Variants in AOPEP observed in about 807,000 individuals in gnomAD.
AOPEP encodes the protein aminopeptidase O.
In AOPEP, 77 loss-of-function variants were observed where a neutral mutation model predicts 98.1. The ratio of observed to expected loss-of-function variants is 0.78; its 90% CI spans 0.65 to 0.95. AOPEP has a LOEUF of 0.95. AOPEP is among the 40% of genes least tolerant of loss of function. The pLI is 0.00. For synonymous variants in AOPEP, 346 were observed against 365.3 expected (o/e 0.95, Z 0.60); for missense variants, 1,024 against 1,024.7 (o/e 1.00, Z 0.01).
In AOPEP at chr9:94,774,561, G is replaced by A. The variant is rs79340843; in HGVS notation, c.964+1393G>A. On this transcript the variant is annotated intron_variant, in intron 3 of 16. Transcript: ENST00000375315. ...GTGTATCTTGAACAATTTACAGGTCGTTAAATATTTTTAATATGATTTTAA... is the reference window on the plus strand; with the variant it reads ...GTGTATCTTGAACAATTTACAGGTCATTAAATATTTTTAATATGATTTTAA... Among the ~76,000 whole-genome samples the A allele has an allele frequency of 7.4e-3, 1,123 of 151,914 alleles. 15 individuals are homozygous for A. Among genetic ancestry groups the A allele is most frequent in the African/African-American group, 0.026 (1,082 of 41,410 alleles).
At chr9:94,901,323 A>T (rs770095327) in intron 5 of AOPEP, among the ~76,000 whole-genome samples, 7 of 152,110 alleles carry the variant, frequency 4.6e-5, no homozygotes, top group Non-Finnish European at 7.4e-5. Context: ...GCAAGAATGT[A>T]TTTTTTCAAT....
intron 10 of AOPEP, among the ~76,000 whole-genome samples, chr9:94,975,466 G>A (rs563892528): frequency 1.3e-5 from 2 of 151,970 alleles, no homozygotes; most frequent in Non-Finnish European, 2.9e-5. Context: ...CTATGTTAAA[G>A]CAGAATTTGC....
intron 5 of AOPEP, among the ~76,000 whole-genome samples, chr9:94,811,778 T>C (rs988075405): frequency 2.6e-4 from 39 of 152,188 alleles, no homozygotes; most frequent in African/African-American, 9.4e-4. Context: ...TCAGCTTAAG[T>C]GTTGTCTGGG....
chr9:94,949,287 C>G (rs752162298), intron 7 of AOPEP, among the ~76,000 whole-genome samples: 13 of 152,116 alleles, frequency 8.5e-5, no homozygotes, highest in Non-Finnish European at 1.2e-4. Flanking sequence ...CTTTCATTTT[C>G]CCACCCTGAT....
At chr9:94,896,621 C>T (rs1051692734) in intron 5 of AOPEP, among the ~76,000 whole-genome samples, 2 of 152,158 alleles carry the variant, frequency 1.3e-5, no homozygotes, top group East Asian at 1.9e-4. Flanking sequence ...TCCTAAAAAC[C>T]TATAACCCAT....
At chr9:94,790,867 G>A (rs1324631820) in intron 3 of AOPEP, among the ~76,000 whole-genome samples, 4 of 151,702 alleles carry the variant, frequency 2.6e-5, no homozygotes, top group African/African-American at 9.7e-5. Flanking sequence ...GACCAAATTG[G>A]ACAACCACAG....
chr9:94,859,540 A>G (rs530600858), intron 5 of AOPEP, among the ~76,000 whole-genome samples: 1 of 152,238 alleles, frequency 6.6e-6, no homozygotes, highest in South Asian at 2.1e-4. Flanking sequence ...TTTTTTTCCC[A>G]TAGAAGGTAA....
chr9:95,105,917 T>C, the AOPEP span, among the ~76,000 whole-genome samples: 12 of 152,236 alleles, frequency 7.9e-5, no homozygotes, highest in Non-Finnish European at 1.3e-4. Context: ...CTGCTGAGAA[T>C]AGTGCTGCCC....
intron 14 of AOPEP, among the ~76,000 whole-genome samples, chr9:95,069,197 A>G (rs1348491806): frequency 6.6e-6 from 1 of 152,196 alleles, no homozygotes; most frequent in East Asian, 1.9e-4. Flanking sequence ...CCCGGATTTC[A>G]TGTCTGACAC....
intron 13 of AOPEP, among the ~76,000 whole-genome samples, chr9:95,045,964 C>T (rs2065828936): frequency 6.6e-6 from 1 of 152,162 alleles, no homozygotes; most frequent in Non-Finnish European, 1.5e-5. Flanking sequence ...ACGGTAGGAA[C>T]GCAGGGTAGG....
intron 5 of AOPEP, among the ~76,000 whole-genome samples, chr9:94,827,143 G>A (rs2134346218): frequency 6.6e-6 from 1 of 152,280 alleles, no homozygotes; most frequent in East Asian, 1.9e-4. Context: ...TTCTCGTTTA[G>A]GAGCAAAGAA....
At chr9:94,951,097 A>C (rs2058072079) in intron 7 of AOPEP, among the ~76,000 whole-genome samples, 1 of 152,276 alleles carries the variant, frequency 6.6e-6, no homozygotes, top group Non-Finnish European at 1.5e-5. Context: ...CAAGTACAAC[A>C]GAAACCAAGG....
At chr9:95,130,972 CTAAA>C in the AOPEP span, among the ~76,000 whole-genome samples, 5 of 152,170 alleles carry the variant, frequency 3.3e-5, no homozygotes, top group Admixed American at 6.5e-5. Context: ...ACATAAGACT[CTAAA>C]TATCCCTTTT....
chr9:94,940,830 T>G (rs2056934091), intron 7 of AOPEP, among the ~76,000 whole-genome samples: 1 of 152,130 alleles, frequency 6.6e-6, no homozygotes, highest in Non-Finnish European at 1.5e-5. Flanking sequence ...GCTCTGGAGC[T>G]GGGCCCTTCC....
intron 5 of AOPEP, among the ~76,000 whole-genome samples, chr9:94,860,168 A>G (rs983390841): frequency 2.0e-5 from 3 of 152,196 alleles, no homozygotes; most frequent in African/African-American, 7.2e-5. Context: ...GAGCCAGGCC[A>G]GGAGTAGGAA....
At chr9:94,998,243 G>A (rs1048446013) in intron 11 of AOPEP, among the ~76,000 whole-genome samples, 1 of 151,464 alleles carries the variant, frequency 6.6e-6, no homozygotes, top group African/African-American at 2.4e-5. Context: ...TCACGCTGGA[G>A]TAGAAAGAGT....
intron 13 of AOPEP, among the ~76,000 whole-genome samples, chr9:95,015,446 A>G (rs1369710950): frequency 6.6e-6 from 1 of 152,232 alleles, no homozygotes; most frequent in Non-Finnish European, 1.5e-5. Flanking sequence ...ATTAAATTCT[A>G]TATTTATTCA....
chr9:94,919,429 G>T (rs117758620), intron 5 of AOPEP, among the ~76,000 whole-genome samples: 7,672 of 152,164 alleles, frequency 0.05, 281 homozygotes, highest in South Asian at 0.13. Flanking sequence ...CTCCCACGCA[G>T]TCTCAGGGCC....
intron 5 of AOPEP, among the ~76,000 whole-genome samples, chr9:94,850,663 G>A (rs558549496): frequency 4.8e-4 from 73 of 152,258 alleles, no homozygotes; most frequent in African/African-American, 1.5e-3. Context: ...TGAGGCAAAC[G>A]CTATTGGTTG....
Sources: gnomAD v4.1 joint callset for allele counts (sites outside exome capture counted in the v4.1 genomes callset) on GRCh38, gnomAD v4.1.1 for gene constraint, MANE v1.5 for transcripts, NCBI Gene and HGNC (gene_info 2026-07-23, HGNC 2026-07-21) for gene names.